The following ZNF557 variants were observed in gnomAD, a reference collection of about 807,000 sequenced individuals.
The protein encoded by ZNF557 is CTB-25J19.9.
ZNF557 carries 19 observed loss-of-function variants against 21.2 expected under a neutral mutation model. The ratio of observed to expected loss-of-function variants is 0.90; its 90% CI spans 0.63 to 1.32. ZNF557 has a LOEUF of 1.32. Ranked by LOEUF, ZNF557 falls within the 40% of genes most tolerant of loss-of-function variation. ZNF557 has a pLI of 0.00. For synonymous variants in ZNF557, 207 were observed against 194.8 expected, an observed-to-expected ratio of 1.06 and a Z score of -0.52; for missense variants, 487 against 519.8, an observed-to-expected ratio of 0.94 and a Z score of 0.61.
At chr19:7,071,785 G>A (rs1254807820) in intron 2 of ZNF557, among the ~76,000 whole-genome samples, 2 of 110,902 alleles carry the variant, frequency 1.8e-5, no homozygotes, top group Non-Finnish European at 3.3e-5. Context: ...GGGCAACAGA[G>A]CAAGACTGCA....
rs1977703152 is a variant in ZNF557 at position 7,081,426 on chromosome 19, A to G, written c.314A>G (p.Glu105Gly). Reference sequence around the variant, plus strand: ...CAAGAAGATAAAGTGATGACAGAAGAGAGAGGAATTCTCTCAGGTACCTGT... The same window carrying G: ...CAAGAAGATAAAGTGATGACAGAAGGGAGAGGAATTCTCTCAGGTACCTGT... ...LEQEDKVMTE[E>G]RGILSGTCPD... Residue 105 changes from glutamate (E) to glycine (G), a missense_variant, in exon 6 of 8, where the codon GAG (glutamate) becomes GGG (glycine). Coordinates refer to ENST00000252840, the MANE Select transcript of ZNF557 (RefSeq NM_024341.3). The G allele has an allele frequency of 1.9e-6, 3 of 1,613,712 alleles. No individual in the cohort carries two copies. The highest frequency in any genetic ancestry group is 2.2e-5 in the South Asian group (2 of 91,006).
At position 7,081,359 on chromosome 19, in the gene ZNF557, G is replaced by A. The variant is rs775472182; in HGVS notation, c.248-1G>A. ...ATCATGTGTCTTTTCTCCATGTACA[G>A]GGAACCAAGTTGATAAACCTAGGCT... On this transcript the variant is annotated splice_acceptor_variant, in intron 5 of 7. Coordinates refer to ENST00000252840, the MANE Select transcript of ZNF557 (RefSeq NM_024341.3). LOFTEE classifies it high-confidence loss of function. The A allele has an allele frequency of 6.2e-7, 1 of 1,612,076 alleles. No homozygotes were observed. Among genetic ancestry groups the A allele is most frequent in the Admixed American group, 1.7e-5 (1 of 59,958 alleles).
intron 2 of ZNF557, among the ~76,000 whole-genome samples, chr19:7,074,002 C>CT (rs55922947): frequency 6.2e-4 from 75 of 121,692 alleles, no homozygotes; most frequent in Non-Finnish European, 9.7e-4. Context: ...CCCTTGACCA[C>CT]TTTTTTTTTT....
At chr19:7,071,799 C>CAAA (rs71177147) in intron 2 of ZNF557, among the ~76,000 whole-genome samples, 5,558 of 54,956 alleles carry the variant, frequency 0.1, 1,390 homozygotes, top group Non-Finnish European at 0.11. Context: ...GACTGCATCT[C>CAAA]AAAAAAAAAA....
chr19:7,084,277 G>T lies in ZNF557; in HGVS notation c.*533G>T. 1 of 154,658 alleles carries T rather than the reference G, an allele frequency of 6.5e-6. No individual in the cohort carries two copies. 9.6% of individuals were successfully genotyped at this position (154,658 alleles called of 1,614,324 possible). On this transcript the variant is annotated 3_prime_UTR_variant, in exon 8 of 8. Transcript: ENST00000252840. Reference sequence around the variant, plus strand: ...TACAATGTGGAAGAACACCACAGGAGGTATGAACAGTAGACATTTGGAACC... The same window carrying T: ...TACAATGTGGAAGAACACCACAGGATGTATGAACAGTAGACATTTGGAACC...
intron 4 of ZNF557, 55 bp downstream of exon 4, chr19:7,075,798 C>T (rs1977577060): frequency 1.9e-6 from 3 of 1,594,210 alleles, no homozygotes; most frequent in East Asian, 2.3e-5. Flanking sequence ...GAAGGTTGGA[C>T]TTGATGCCTT....
chr19:7,073,785 C>T (rs1478094762), intron 2 of ZNF557, among the ~76,000 whole-genome samples: 1 of 152,098 alleles, frequency 6.6e-6, no homozygotes, highest in African/African-American at 2.4e-5. Flanking sequence ...GGATAAATTC[C>T]CTGGGCAAGA....
In ZNF557 at chr19:7,084,198, C is replaced by T. The variant is rs1977784141; in HGVS notation, c.*454C>T. 5.9e-6 allele frequency: 1 copy of T among 168,810 alleles called. No individual in the cohort carries two copies. Among genetic ancestry groups the T allele is most frequent in the Non-Finnish European group, 1.3e-5 (1 of 77,770 alleles). 10.5% of individuals were successfully genotyped at this position (168,810 alleles called of 1,614,324 possible). The stretch of plus-strand genomic sequence containing the variant: ...CATAATGTCTTTTATGACCTAGCTT[C>T]AGTGAGATATGTTTTCATGTCCCTG... On this transcript the variant is annotated 3_prime_UTR_variant, in exon 8 of 8. Transcript: ENST00000252840.
At chr19:7,076,169 G>A (rs868002886) in intron 4 of ZNF557, among the ~76,000 whole-genome samples, 5 of 152,142 alleles carry the variant, frequency 3.3e-5, no homozygotes, top group Admixed American at 6.5e-5. Flanking sequence ...GGTACTGTGC[G>A]CTGGACCTGG....
chr19:7,073,872 A>C (rs1277580596), intron 2 of ZNF557, among the ~76,000 whole-genome samples: 1 of 152,138 alleles, frequency 6.6e-6, no homozygotes, highest in Admixed American at 6.5e-5. Flanking sequence ...CCTGCCTTCC[A>C]TGAATAGCCA....
intron 2 of ZNF557, among the ~76,000 whole-genome samples, chr19:7,071,673 G>A (rs988732425): frequency 7.2e-5 from 11 of 152,024 alleles, no homozygotes; most frequent in East Asian, 1.9e-4. Flanking sequence ...GTGAAACCCC[G>A]TCTGTACTAA....
At chr19:7,072,642 C>T (rs754268405) in intron 2 of ZNF557, among the ~76,000 whole-genome samples, 5 of 152,344 alleles carry the variant, frequency 3.3e-5, no homozygotes, top group Non-Finnish European at 7.3e-5. Flanking sequence ...TGCACGTGCA[C>T]TTTCCACTGA....
intron 3 of ZNF557, 22 bp from the exon 4 acceptor site, chr19:7,075,633 G>A: frequency 6.2e-7 from 1 of 1,611,384 alleles, no homozygotes; most frequent in Non-Finnish European, 8.5e-7. Context: ...TGGATTCCTG[G>A]TACTCATTTC....
Position 7,083,752 on chromosome 19 carries a change from A to C in ZNF557, c.*8A>C. 1 of 1,581,022 alleles carries C rather than the reference A, an allele frequency of 6.3e-7. No individual in the cohort carries two copies. The highest frequency in any genetic ancestry group is 8.6e-7 in the Non-Finnish European group (1 of 1,163,276). Reference sequence around the variant, plus strand: ...CATAATAGGCAAATGTGAATTCAATAACTGTGGGAAAAGCATTCATTGATC... The same window carrying C: ...CATAATAGGCAAATGTGAATTCAATCACTGTGGGAAAAGCATTCATTGATC... On this transcript the variant is annotated 3_prime_UTR_variant, in exon 8 of 8. Coordinates refer to ENST00000252840, the MANE Select transcript of ZNF557 (RefSeq NM_024341.3).
rs2145181075 is a variant in ZNF557, at chr19:7,085,882, TATTC to T, written c.*2140_*2143del. The T allele has an allele frequency of 6.6e-6, 1 of 152,242 alleles. No homozygotes were observed. Among genetic ancestry groups the T allele is most frequent in the African/African-American group, 2.4e-5 (1 of 41,564 alleles). 9.4% of individuals were successfully genotyped at this position (152,242 alleles called of 1,614,324 possible). A position where few individuals can be genotyped will look rare whatever the true frequency, so the allele number is the denominator to read the frequency against. ...AATTCTAAAACATCAATACACCAAA[TATTC>T]AGAAAGGTATTTCCAAACAGCTCCT... On this transcript the variant is annotated 3_prime_UTR_variant, in exon 8 of 8. Transcript: ENST00000252840.
At chr19:7,078,062 A>G (rs1012347857) in intron 5 of ZNF557, among the ~76,000 whole-genome samples, 1 of 152,216 alleles carries the variant, frequency 6.6e-6, no homozygotes, top group Non-Finnish European at 1.5e-5. Context: ...CCTTTATCAA[A>G]TATATCATTT....
rs537304893 is a variant in ZNF557 at position 7,074,683 on chromosome 19, A to G, written c.-79-313A>G. On this transcript the variant is annotated intron_variant, in intron 2 of 7. Coordinates refer to ENST00000252840, the MANE Select transcript of ZNF557 (RefSeq NM_024341.3). ...GGGGTAGTGACATCTGAGCTGGGTG[A>G]GGTGGAAACCAGGAGGAGGGGGTGG... Among the ~76,000 whole-genome samples the G allele has an allele frequency of 4.2e-5, 6 of 144,412 alleles. No individual in the cohort carries two copies. The East Asian group carries it at 1.0e-3, about 25-fold the overall frequency. The allele number at this position is 144,412 out of a possible 152,430, so 94.7% of individuals were successfully genotyped here.
rs555895565 is a variant in ZNF557 at position 7,083,367 on chromosome 19, T to G, written c.916T>G (p.Ser306Ala). The G allele has an allele frequency of 5.6e-6, 9 of 1,614,196 alleles. No homozygotes were observed. The South Asian group carries it at 9.9e-5, about 18-fold the overall frequency. The change falls in exon 8 of 8, where the codon TCT becomes GCT. Residue 306 changes from serine to alanine, a missense_variant. Ser to Ala is a moderately conservative substitution (Grantham distance 99, BLOSUM62 1). Coordinates refer to ENST00000252840, the MANE Select transcript of ZNF557 (RefSeq NM_024341.3). ...QCGKAFGTRS[S>A]LSSHYSIHTG... ...TGGAAAGGCTTTCGGCACGAGGTCATCTCTTTCTTCGCACTATAGCATTCA... is the reference window on the plus strand; with the variant it reads ...TGGAAAGGCTTTCGGCACGAGGTCAGCTCTTTCTTCGCACTATAGCATTCA...
intron 2 of ZNF557, among the ~76,000 whole-genome samples, chr19:7,072,317 G>A (rs1394864977): frequency 1.3e-5 from 2 of 151,694 alleles, no homozygotes; most frequent in Non-Finnish European, 2.9e-5. Flanking sequence ...CCAGCTACTC[G>A]GGAGGCTGAG....
Sources: allele counts gnomAD v4.1 joint callset (sites outside exome capture counted in the v4.1 genomes callset), GRCh38; gene constraint gnomAD v4.1.1; transcripts MANE v1.5; gene names NCBI Gene and HGNC (gene_info 2026-07-23, HGNC 2026-07-21).